The following RNF220 variants were observed in gnomAD, a reference collection of about 807,000 sequenced individuals.
RNF220 encodes E3 ubiquitin-protein ligase RNF220.
A neutral mutation model predicts 67.1 loss-of-function variants in RNF220; 7 were observed. The observed-to-expected ratio is 0.10, with a 90% CI of 0.06 to 0.20. RNF220 has a LOEUF of 0.20. Ranked by LOEUF, RNF220 falls within the 10% of genes least tolerant of loss-of-function variation. The pLI is 1.00. For missense variants in RNF220, 565 were observed against 740.3 expected, an observed-to-expected ratio of 0.76 and a Z score of 2.75; for synonymous variants, 270 against 283.2, an observed-to-expected ratio of 0.95 and a Z score of 0.47.
intron 2 of RNF220, among the ~76,000 whole-genome samples, chr1:44,567,898 A>G (rs1243075403): frequency 6.6e-6 from 1 of 152,082 alleles, no homozygotes; most frequent in Admixed American, 6.5e-5. Flanking sequence ...TTCACCCTGC[A>G]GCTCCAGACT....
intron 2 of RNF220, among the ~76,000 whole-genome samples, chr1:44,467,690 AT>A (rs1654409566): frequency 6.6e-6 from 1 of 151,084 alleles, no homozygotes; most frequent in African/African-American, 2.4e-5. Flanking sequence ...CTTATCATTC[AT>A]GTGTTCACTA....
chr1:44,407,090 A>C (rs970343017), intron 1 of RNF220, among the ~76,000 whole-genome samples: 3 of 152,044 alleles, frequency 2.0e-5, no homozygotes, highest in South Asian at 4.1e-4. Flanking sequence ...GGGTGGGTGC[A>C]TGGGGCCCGG....
chr1:44,525,690 A>G (rs1040092208), intron 2 of RNF220, among the ~76,000 whole-genome samples: 1 of 152,054 alleles, frequency 6.6e-6, no homozygotes. Context: ...GGCACTCAGT[A>G]TCTCCCTGCT....
chr1:44,604,772 C>T (rs1667157651), intron 2 of RNF220, among the ~76,000 whole-genome samples: 1 of 152,276 alleles, frequency 6.6e-6, no homozygotes, highest in South Asian at 2.1e-4. Context: ...TAGCATGCAT[C>T]ACCATAGGAG....
rs1648740819 is a variant in RNF220 at position 44,417,927 on chromosome 1, G to A, written c.625+5205G>A. ...TCTGCAGCACTTGGAGGCCGCAGGAGGACTCCGCGCGCCGCCTCGAGGGCC... is the reference window on the plus strand; with the variant it reads ...TCTGCAGCACTTGGAGGCCGCAGGAAGACTCCGCGCGCCGCCTCGAGGGCC... On this transcript the variant is annotated intron_variant, in intron 2 of 14. Coordinates refer to ENST00000361799, the MANE Select transcript of RNF220 (RefSeq NM_018150.4). The surrounding 1 kb of genome is among the most constrained non-coding windows in gnomAD (Gnocchi z 4.0). 6.6e-6 allele frequency among the ~76,000 whole-genome samples: 1 copy of A among 151,910 alleles called. No individual in the cohort carries two copies. Among genetic ancestry groups the A allele is most frequent in the African/African-American group, 2.4e-5 (1 of 41,378 alleles).
chr1:44,629,871 T>C (rs1397083750), intron 5 of RNF220, among the ~76,000 whole-genome samples: 1 of 152,090 alleles, frequency 6.6e-6, no homozygotes, highest in African/African-American at 2.4e-5. Flanking sequence ...GTAGAGAACA[T>C]AGAGGTGTAA....
At chr1:44,577,678 G>A (rs1572932153) in intron 2 of RNF220, among the ~76,000 whole-genome samples, 1 of 152,326 alleles carries the variant, frequency 6.6e-6, no homozygotes, top group South Asian at 2.1e-4. Context: ...AAACAGCGTG[G>A]TAAAATACTG....
rs1299842259 is a variant in RNF220, at chr1:44,600,211, A to T, written c.626-13954A>T. 6.6e-6 allele frequency among the ~76,000 whole-genome samples: 1 copy of T among 152,206 alleles called. No homozygotes were observed. The highest frequency in any genetic ancestry group is 1.5e-5 in the Non-Finnish European group (1 of 68,044). ...GAGGAAGGTAAGTCCCATCTCAGAC[A>T]TGTTGAGCTTAAAGAGCCTATGGGA... On this transcript the variant is annotated intron_variant, in intron 2 of 14. Coordinates refer to ENST00000361799, the MANE Select transcript of RNF220 (RefSeq NM_018150.4). This position sits in a 1 kb window ranked among gnomAD's most constrained non-coding sequence, Gnocchi z 4.0.
At chr1:44,608,825 A>T (rs1284294717) in intron 2 of RNF220, among the ~76,000 whole-genome samples, 1 of 152,186 alleles carries the variant, frequency 6.6e-6, no homozygotes, top group African/African-American at 2.4e-5. Flanking sequence ...AAAGATCTGG[A>T]TCATAGAAGG....
At chr1:44,478,264 C>T (rs544699942) in intron 2 of RNF220, among the ~76,000 whole-genome samples, 22 of 152,164 alleles carry the variant, frequency 1.4e-4, no homozygotes, top group Admixed American at 5.2e-4. Flanking sequence ...CCAATTTTTA[C>T]TCAAATCATG....
rs1423646532 is a variant in RNF220 at position 44,626,595 on chromosome 1, A to C, written c.906+197A>C. 8 of 584,794 alleles carry C rather than the reference A, an allele frequency of 1.4e-5. No individual in the cohort carries two copies. The East Asian group carries it at 1.7e-4, about 12-fold the overall frequency. The allele number at this position is 584,794 out of a possible 1,614,324, so 36.2% of individuals were successfully genotyped here. On this transcript the variant is annotated intron_variant, in intron 5 of 14. Coordinates refer to ENST00000361799, the MANE Select transcript of RNF220 (RefSeq NM_018150.4). ...CAGGGAATAGGCCTTAAATAGATGG[A>C]TTTTAGGGAGAGATGCCAAGGTCAC...
At chr1:44,589,203 G>GT (rs1665928464) in intron 2 of RNF220, among the ~76,000 whole-genome samples, 1 of 152,222 alleles carries the variant, frequency 6.6e-6, no homozygotes, top group African/African-American at 2.4e-5. Flanking sequence ...CAGTGAGACA[G>GT]TGCCAGAAGC....
chr1:44,582,025 G>T (rs1012330477), intron 2 of RNF220, among the ~76,000 whole-genome samples: 1 of 152,210 alleles, frequency 6.6e-6, no homozygotes, highest in Non-Finnish European at 1.5e-5. Flanking sequence ...ACCTTGGGAA[G>T]TTACTTCCTT....
At chr1:44,587,442 C>T (rs950826138) in intron 2 of RNF220, among the ~76,000 whole-genome samples, 5 of 152,110 alleles carry the variant, frequency 3.3e-5, no homozygotes, top group African/African-American at 9.7e-5. Flanking sequence ...CCACCACGCC[C>T]GGCCACTGTT....
chr1:44,426,020 G>A (rs1187969545), intron 2 of RNF220, among the ~76,000 whole-genome samples: 1 of 152,170 alleles, frequency 6.6e-6, no homozygotes, highest in Non-Finnish European at 1.5e-5. Context: ...AACTCTTGTA[G>A]ACTTTTTGTG....
At chr1:44,576,210 T>C (rs1012382694) in intron 2 of RNF220, among the ~76,000 whole-genome samples, 2 of 152,224 alleles carry the variant, frequency 1.3e-5, no homozygotes, top group Non-Finnish European at 2.9e-5. Flanking sequence ...TTGATCCTTA[T>C]AGCAGTTTCT....
intron 2 of RNF220, among the ~76,000 whole-genome samples, chr1:44,578,144 CTT>C (rs749348924): frequency 2.6e-5 from 3 of 117,144 alleles, no homozygotes; most frequent in Non-Finnish European, 1.7e-5. Context: ...TCTTTCTTTC[CTT>C]TTTTTTTTTT....
intron 2 of RNF220, among the ~76,000 whole-genome samples, chr1:44,519,581 A>C (rs1207983811): frequency 6.6e-6 from 1 of 152,210 alleles, no homozygotes; most frequent in East Asian, 1.9e-4. Flanking sequence ...CAGCAAAAGA[A>C]AGAAAAGCAC....
chr1:44,624,489 A>G lies in RNF220; in HGVS notation c.804+1702A>G, dbSNP rs181489709. Among the ~76,000 whole-genome samples, 53 of 152,336 alleles carry G rather than the reference A, an allele frequency of 3.5e-4. 1 individual carries two copies. In the East Asian group the frequency reaches 6.0e-3, roughly 17 times the overall value. ...GTGTCCTGAAACCACAGACACAGGC[A>G]TACTGACCATGAGACACAGAGATAA... On this transcript the variant is annotated intron_variant, in intron 4 of 14. Coordinates refer to ENST00000361799, the MANE Select transcript of RNF220 (RefSeq NM_018150.4). This position sits in a 1 kb window ranked among gnomAD's most constrained non-coding sequence, Gnocchi z 4.2.
Sources: gnomAD v4.1 joint callset for allele counts (sites outside exome capture counted in the v4.1 genomes callset) on GRCh38, gnomAD v4.1.1 for gene constraint, Gnocchi (gnomAD v3.1) non-coding constraint, MANE v1.5 for transcripts, NCBI Gene and HGNC (gene_info 2026-07-23, HGNC 2026-07-21) for gene names.